KCNIP1: variants seen among roughly 807,000 people sequenced by gnomAD.
KCNIP1 encodes potassium voltage-gated channel interacting protein 1.
Under a neutral mutation model 33.0 loss-of-function variants are expected in KCNIP1, and 18 were observed. The ratio of observed to expected loss-of-function variants is 0.55; its 90% CI spans 0.38 to 0.81. KCNIP1 has a LOEUF of 0.81. Ranked by LOEUF, KCNIP1 falls within the 30% of genes least tolerant of loss-of-function variation. KCNIP1 has a pLI of 0.00. For missense variants in KCNIP1, 238 were observed against 271.6 expected, an observed-to-expected ratio of 0.88 and a Z score of 0.87; for synonymous variants, 93 against 98.3, an observed-to-expected ratio of 0.95 and a Z score of 0.32.
chr5:170,392,582 C>A (rs908764030), intron 1 of KCNIP1, among the ~76,000 whole-genome samples: 4 of 152,110 alleles, frequency 2.6e-5, no homozygotes, highest in African/African-American at 7.2e-5. Context: ...TAGCACTTTT[C>A]GAGACCAAGG....
chr5:170,709,226 C>G (rs912912564), intron 1 of KCNIP1, among the ~76,000 whole-genome samples: 4 of 152,196 alleles, frequency 2.6e-5, no homozygotes, highest in African/African-American at 9.7e-5. Context: ...TGTTTATCAG[C>G]TGCTGAAAGA....
intron 1 of KCNIP1, among the ~76,000 whole-genome samples, chr5:170,688,071 A>G (rs1762601535): frequency 6.6e-6 from 1 of 152,248 alleles, no homozygotes; most frequent in African/African-American, 2.4e-5. Flanking sequence ...AAAGTTCTTT[A>G]TATACATGAT....
chr5:170,457,648 G>A (rs1316097920), intron 1 of KCNIP1, among the ~76,000 whole-genome samples: 1 of 152,160 alleles, frequency 6.6e-6, no homozygotes, highest in Admixed American at 6.5e-5. Flanking sequence ...AAGGGGGAGA[G>A]TAATACATCA....
At chr5:170,549,307 T>C (rs1028984914) in intron 1 of KCNIP1, among the ~76,000 whole-genome samples, 2 of 152,152 alleles carry the variant, frequency 1.3e-5, no homozygotes, top group Non-Finnish European at 2.9e-5. Flanking sequence ...AAAACCTCCT[T>C]CGTTTTTTTA....
At chr5:170,703,967 A>G (rs1763179164) in intron 1 of KCNIP1, among the ~76,000 whole-genome samples, 1 of 138,208 alleles carries the variant, frequency 7.2e-6, no homozygotes. Context: ...AAACTGTGAC[A>G]CCCAAAGGTA....
intron 1 of KCNIP1, among the ~76,000 whole-genome samples, chr5:170,675,723 C>T (rs1762108477): frequency 6.6e-6 from 1 of 152,190 alleles, no homozygotes; most frequent in Non-Finnish European, 1.5e-5. Flanking sequence ...CAGCACAGTG[C>T]CTGCTCCATG....
intron 1 of KCNIP1, among the ~76,000 whole-genome samples, chr5:170,445,338 G>A (rs1176521574): frequency 3.3e-5 from 5 of 152,124 alleles, no homozygotes; most frequent in South Asian, 2.1e-4. Flanking sequence ...CTTGCTGATC[G>A]GAGAGTCAAT....
intron 1 of KCNIP1, among the ~76,000 whole-genome samples, chr5:170,656,870 G>A (rs539747105): frequency 5.9e-5 from 9 of 152,124 alleles, no homozygotes; most frequent in Non-Finnish European, 1.0e-4. Context: ...CTTGGCTCCC[G>A]CTGTGGCCCT....
At chr5:170,699,556 GAAAAAAAAAAA>G (rs35103942) in intron 1 of KCNIP1, among the ~76,000 whole-genome samples, 1 of 111,962 alleles carries the variant, frequency 8.9e-6, no homozygotes, top group Non-Finnish European at 2.0e-5. Context: ...ATTGCTCTGT[GAAAAAAAAAAA>G]AAAAAAAAAA....
intron 1 of KCNIP1, among the ~76,000 whole-genome samples, chr5:170,484,971 A>C (rs1364456406): frequency 1.4e-4 from 15 of 106,972 alleles, no homozygotes; most frequent in South Asian, 2.7e-4. Context: ...ATGGAGTTTC[A>C]CTCTTGTTGC....
chr5:170,469,893 C>T (rs1276209611), intron 1 of KCNIP1, among the ~76,000 whole-genome samples: 1 of 152,150 alleles, frequency 6.6e-6, no homozygotes, highest in Non-Finnish European at 1.5e-5. Flanking sequence ...TCACTCAATC[C>T]TCCATAAATA....
intron 1 of KCNIP1, among the ~76,000 whole-genome samples, chr5:170,652,814 A>G (rs1761100165): frequency 6.6e-6 from 1 of 152,204 alleles, no homozygotes; most frequent in Admixed American, 6.5e-5. Context: ...TGTCATTAAA[A>G]CATCCCTGTA....
chr5:170,634,470 A>G (rs1760206424), intron 1 of KCNIP1, among the ~76,000 whole-genome samples: 1 of 152,186 alleles, frequency 6.6e-6, no homozygotes, highest in Non-Finnish European at 1.5e-5. Flanking sequence ...CAGACTGAGA[A>G]CCACACTTCG....
At chr5:170,469,229 C>CAA (rs999974067) in intron 1 of KCNIP1, among the ~76,000 whole-genome samples, 1 of 151,628 alleles carries the variant, frequency 6.6e-6, no homozygotes, top group African/African-American at 2.4e-5. Context: ...ACCCGATCTG[C>CAA]AAAAAAACAT....
At position 170,388,850 on chromosome 5, in the gene KCNIP1, C is replaced by T. The variant is rs1321590852; in HGVS notation, c.88+34886C>T. Among the ~76,000 whole-genome samples the T allele has an allele frequency of 5.9e-5, 9 of 152,230 alleles. 1 individual carries two copies. Among genetic ancestry groups the T allele is most frequent in the Admixed American group, 5.9e-4 (9 of 15,282 alleles). On this transcript the variant is annotated intron_variant, in intron 1 of 7. Transcript: ENST00000377360. ...ATCAGACATGTATCATAGCACCTAG[C>T]CCCAAATCAGCCCCCAGTAAATATT...
chr5:170,726,434 A>C (rs1196115907), intron 5 of KCNIP1, among the ~76,000 whole-genome samples: 1 of 152,218 alleles, frequency 6.6e-6, no homozygotes, highest in Admixed American at 6.5e-5. Flanking sequence ...AATGAAATAC[A>C]ATTGCACAGA....
At chr5:170,419,209 T>TA (rs1211847299) in intron 1 of KCNIP1, among the ~76,000 whole-genome samples, 1 of 152,156 alleles carries the variant, frequency 6.6e-6, no homozygotes, top group Non-Finnish European at 1.5e-5. Context: ...GGCCAGTCCT[T>TA]AGGAGGCTGC....
chr5:170,432,918 G>A (rs929103732), intron 1 of KCNIP1, among the ~76,000 whole-genome samples: 2 of 151,674 alleles, frequency 1.3e-5, no homozygotes, highest in Admixed American at 6.5e-5. Context: ...TTACAATGGT[G>A]TAAAACAAAG....
chr5:170,556,487 G>A (rs1030005539), intron 1 of KCNIP1, among the ~76,000 whole-genome samples: 1 of 152,172 alleles, frequency 6.6e-6, no homozygotes, highest in Non-Finnish European at 1.5e-5. Context: ...TCCCTTTCTG[G>A]TCAGGGACCC....
Sources: allele counts gnomAD v4.1 joint callset (sites outside exome capture counted in the v4.1 genomes callset), GRCh38; gene constraint gnomAD v4.1.1; transcripts MANE v1.5; gene names NCBI Gene and HGNC (gene_info 2026-07-23, HGNC 2026-07-21).